The following THSD7B variants were observed in gnomAD, a reference collection of about 807,000 sequenced individuals.
The protein encoded by THSD7B is thrombospondin type-1 domain-containing protein 7B.
A neutral mutation model predicts 213.6 loss-of-function variants in THSD7B; 138 were observed. The ratio of observed to expected loss-of-function variants is 0.65; its 90% CI spans 0.56 to 0.74. The LOEUF (loss-of-function observed/expected upper bound fraction) is 0.74, where lower values mean the gene tolerates loss of function less well. Among genes scored for constraint, THSD7B ranks in the 30% least tolerant of loss-of-function variants. THSD7B has a pLI of 0.00. For synonymous variants in THSD7B, 742 were observed against 687.0 expected (o/e 1.08, Z -1.25); for missense variants, 1,931 against 1,991.5 (o/e 0.97, Z 0.58).
At chr2:137,222,232 C>T (rs914890300) in intron 7 of THSD7B, among the ~76,000 whole-genome samples, 23 of 95,484 alleles carry the variant, frequency 2.4e-4, no homozygotes, top group Admixed American at 1.7e-3. Flanking sequence ...TAGTACTGCC[C>T]TTTCCTCACT....
intron 12 of THSD7B, among the ~76,000 whole-genome samples, chr2:137,282,226 C>T (rs1271269004): frequency 6.6e-6 from 1 of 151,862 alleles, no homozygotes; most frequent in Admixed American, 6.6e-5. Context: ...CTGTTCATGT[C>T]CTTTGCCCAC....
intron 2 of THSD7B, among the ~76,000 whole-genome samples, chr2:136,894,127 C>T (rs1433703824): frequency 6.6e-6 from 1 of 152,156 alleles, no homozygotes; most frequent in Non-Finnish European, 1.5e-5. Flanking sequence ...ATACACTTCA[C>T]TACAAAAAGA....
chr2:137,080,041 C>G (rs1687711374), intron 3 of THSD7B, among the ~76,000 whole-genome samples: 1 of 152,076 alleles, frequency 6.6e-6, no homozygotes, highest in African/African-American at 2.4e-5. Flanking sequence ...GACGTTTCAC[C>G]ATGTTGGCCA....
intron 13 of THSD7B, 106 bp from the exon 14 acceptor site, chr2:137,411,502 CT>C (rs1398726655): frequency 8.2e-6 from 9 of 1,099,786 alleles, no homozygotes; most frequent in African/African-American, 1.6e-5. Context: ...AAAACAAAGG[CT>C]TTATTTTATT....
At chr2:136,978,080 T>G (rs988552931) in intron 2 of THSD7B, among the ~76,000 whole-genome samples, 1 of 152,212 alleles carries the variant, frequency 6.6e-6, no homozygotes, top group Non-Finnish European at 1.5e-5. Context: ...ATTACAGGCG[T>G]GAGCCACTGC....
intron 7 of THSD7B, among the ~76,000 whole-genome samples, chr2:137,199,543 G>T (rs190464041): frequency 2.9e-4 from 44 of 152,196 alleles, no homozygotes; most frequent in African/African-American, 1.1e-3. Flanking sequence ...CCTTTGAGTT[G>T]ATCTTTAAGG....
Position 137,419,384 on chromosome 2 carries a change from C to A in THSD7B, c.2959+7512C>A, listed in dbSNP as rs760486050. On this transcript the variant is annotated intron_variant, in intron 14 of 27. Coordinates refer to ENST00000409968, the MANE Select transcript of THSD7B (RefSeq NM_001316349.2). Reference sequence around the variant, plus strand: ...TGGTGGGTCCTGAGTTCTTGTCCCACATCAAAGAAGAATGAGGATACACTG... The same window carrying A: ...TGGTGGGTCCTGAGTTCTTGTCCCAAATCAAAGAAGAATGAGGATACACTG... Among the ~76,000 whole-genome samples the A allele has an allele frequency of 5.9e-5, 2 of 33,664 alleles. 1 individual carries two copies. The highest frequency in any genetic ancestry group is 2.8e-4 in the Non-Finnish European group (2 of 7,076). The allele number at this position is 33,664 out of a possible 152,430, so 22.1% of individuals were successfully genotyped here.
intron 12 of THSD7B, among the ~76,000 whole-genome samples, chr2:137,340,252 CA>C (rs1684731020): frequency 6.6e-6 from 1 of 151,698 alleles, no homozygotes; most frequent in East Asian, 1.9e-4. Context: ...AACTAAGTTT[CA>C]GATGAAATAT....
At chr2:137,049,938 CT>C (rs1389844286) in intron 2 of THSD7B, among the ~76,000 whole-genome samples, 3 of 152,190 alleles carry the variant, frequency 2.0e-5, no homozygotes, top group Non-Finnish European at 2.9e-5. Context: ...AGTCTTAGAA[CT>C]GTTCTAATAG....
chr2:137,419,591 A>G (rs1240783747), intron 14 of THSD7B, among the ~76,000 whole-genome samples: 1 of 151,596 alleles, frequency 6.6e-6, no homozygotes, highest in Non-Finnish European at 1.5e-5. Flanking sequence ...TGAGTATGCA[A>G]AAAGAGGCTA....
At chr2:137,433,598 C>T (rs914825346) in intron 14 of THSD7B, among the ~76,000 whole-genome samples, 1 of 152,104 alleles carries the variant, frequency 6.6e-6, no homozygotes, top group Non-Finnish European at 1.5e-5. Context: ...AAGTGATCCA[C>T]TCTCCTTGGC....
chr2:137,560,389 A>T (rs1040823149), intron 15 of THSD7B, among the ~76,000 whole-genome samples: 1 of 152,152 alleles, frequency 6.6e-6, no homozygotes, highest in Non-Finnish European at 1.5e-5. Context: ...GCCATAAAAT[A>T]TGATGAGTTC....
At chr2:137,087,035 T>A (rs913341671) in intron 3 of THSD7B, among the ~76,000 whole-genome samples, 4 of 152,190 alleles carry the variant, frequency 2.6e-5, no homozygotes, top group Admixed American at 2.0e-4. Flanking sequence ...AATTGCCATG[T>A]ATTCATATCC....
At chr2:137,570,287 C>T (rs1259307853) in intron 16 of THSD7B, among the ~76,000 whole-genome samples, 1 of 150,830 alleles carries the variant, frequency 6.6e-6, no homozygotes, top group Admixed American at 6.6e-5. Context: ...TTTCTTTTAT[C>T]ATTACTATTA....
intron 12 of THSD7B, among the ~76,000 whole-genome samples, chr2:137,398,191 G>A (rs1486775850): frequency 6.1e-3 from 867 of 143,246 alleles, no homozygotes; most frequent in African/African-American, 0.024. Flanking sequence ...ATCCAGCTTT[G>A]TTCCGTTGCT....
intron 2 of THSD7B, among the ~76,000 whole-genome samples, chr2:137,041,987 C>T (rs1217562157): frequency 2.0e-5 from 3 of 152,164 alleles, no homozygotes; most frequent in Non-Finnish European, 2.9e-5. Context: ...AGTGATTGTT[C>T]TGAATTAGTT....
At chr2:137,181,762 C>G (rs1471267177) in intron 7 of THSD7B, among the ~76,000 whole-genome samples, 1 of 152,100 alleles carries the variant, frequency 6.6e-6, no homozygotes, top group Non-Finnish European at 1.5e-5. Flanking sequence ...ACAGTCATGT[C>G]CCCTCATCAT....
intron 2 of THSD7B, among the ~76,000 whole-genome samples, chr2:136,935,206 G>A (rs1356411794): frequency 6.6e-6 from 1 of 152,136 alleles, no homozygotes; most frequent in African/African-American, 2.4e-5. Flanking sequence ...TTGTATTTAT[G>A]CAGAACACTT....
At chr2:136,807,651 C>T (rs554267354) in intron 1 of THSD7B, among the ~76,000 whole-genome samples, 32 of 151,948 alleles carry the variant, frequency 2.1e-4, no homozygotes, top group Admixed American at 1.5e-3. Context: ...GGACTACAGG[C>T]GCCCGCCACC....
Sources: allele counts gnomAD v4.1 joint callset (sites outside exome capture counted in the v4.1 genomes callset), GRCh38; gene constraint gnomAD v4.1.1; transcripts MANE v1.5; gene names NCBI Gene and HGNC (gene_info 2026-07-23, HGNC 2026-07-21).